ABCC1: variants seen among roughly 807,000 people sequenced by gnomAD.
ABCC1 encodes ATP binding cassette subfamily C member 1 (ABCC1 blood group), also known as multidrug resistance-associated protein 1.
ABCC1 carries 83 observed loss-of-function variants against 172.9 expected under a neutral mutation model. That is an observed-to-expected ratio of 0.48 (90% CI 0.40 to 0.58). The LOEUF (loss-of-function observed/expected upper bound fraction) is 0.58. ABCC1 is among the 20% of genes least tolerant of loss of function. The pLI is 0.00. For missense variants in ABCC1, 1,817 were observed against 2,002.7 expected (o/e 0.91, Z 1.77); for synonymous variants, 937 against 825.2 (o/e 1.14, Z -2.32).
intron 1 of ABCC1, among the ~76,000 whole-genome samples, chr16:15,974,323 A>G (rs2046435195): frequency 6.6e-6 from 1 of 152,154 alleles, no homozygotes; most frequent in African/African-American, 2.4e-5. Context: ...TGAGATTATC[A>G]GAGATCAGGC....
chr16:16,087,695 G>A (rs1335736469), intron 18 of ABCC1, among the ~76,000 whole-genome samples: 1 of 152,178 alleles, frequency 6.6e-6, no homozygotes, highest in African/African-American at 2.4e-5. Context: ...CTGACCTCAA[G>A]TGATCTGCCC....
intron 12 of ABCC1, among the ~76,000 whole-genome samples, chr16:16,067,939 G>T (rs2050174274): frequency 6.6e-6 from 1 of 152,178 alleles, no homozygotes; most frequent in South Asian, 2.1e-4. Flanking sequence ...GGCTCTTTGG[G>T]CTCCCGGTCG....
chr16:16,008,067 G>A (rs1219796007), intron 2 of ABCC1, 75 bp downstream of exon 2: 1 of 1,404,786 alleles, frequency 7.1e-7, no homozygotes, highest in African/African-American at 1.4e-5. Flanking sequence ...GGTGATAACT[G>A]ACATTTCTCT....
chr16:16,111,201 C>G (rs991370183), intron 21 of ABCC1, among the ~76,000 whole-genome samples, 174 bp from the exon 22 acceptor site: 2 of 152,124 alleles, frequency 1.3e-5, no homozygotes, highest in Non-Finnish European at 2.9e-5. Context: ...GCCTGGCCCT[C>G]GACTTTGTTT....
chr16:15,951,354 TAAG>T (rs749062861), intron 1 of ABCC1, among the ~76,000 whole-genome samples: 6 of 152,236 alleles, frequency 3.9e-5, no homozygotes, highest in South Asian at 2.1e-4. Context: ...TTGTTTATCT[TAAG>T]AAACTCATTC....
intron 1 of ABCC1, among the ~76,000 whole-genome samples, chr16:15,961,555 G>A (rs1402898747): frequency 6.6e-5 from 10 of 152,286 alleles, no homozygotes; most frequent in African/African-American, 2.4e-4. Context: ...GTTGATGATA[G>A]TTTCTTGGGT....
At position 16,134,466 on chromosome 16, in the gene ABCC1, C is replaced by T. The variant is rs369726733; in HGVS notation, c.4083C>T (p.Ile1361=). The T allele has an allele frequency of 4.4e-5, 71 of 1,613,984 alleles. No individual in the cohort carries two copies. Among genetic ancestry groups the T allele is most frequent in the Middle Eastern group, 3.3e-4 (2 of 6,084 alleles). ...TCGATGGCATCAACATCGCCAAGAT[C>T]GGCCTGCACGACCTCCGCTTCAAGA... ...IIIDGINIAK[I]GLHDLRFKIT... The change falls in exon 28 of 31, where the codon ATC becomes ATT. Residue 1361 remains isoleucine (I), a synonymous_variant. Coordinates refer to ENST00000399410, the MANE Select transcript of ABCC1 (RefSeq NM_004996.4).
chr16:16,021,905 C>T (rs1418480452), intron 5 of ABCC1, among the ~76,000 whole-genome samples: 2 of 152,076 alleles, frequency 1.3e-5, no homozygotes, highest in African/African-American at 4.8e-5. Flanking sequence ...GGTTGCAACT[C>T]GATTTGTTGT....
chr16:16,104,507 G>A (rs184955495), intron 20 of ABCC1, among the ~76,000 whole-genome samples: 1 of 152,296 alleles, frequency 6.6e-6, no homozygotes, highest in East Asian at 1.9e-4. Context: ...TACAAACCTT[G>A]AGCTAGATAC....
At chr16:16,066,009 C>T (rs2050102019) in intron 12 of ABCC1, among the ~76,000 whole-genome samples, 1 of 152,110 alleles carries the variant, frequency 6.6e-6, no homozygotes, top group East Asian at 1.9e-4. Context: ...ACAATCACCA[C>T]TAATTCCAGG....
chr16:16,033,320 T>A, intron 6 of ABCC1, 150 bp downstream of exon 6: 3 of 756,432 alleles, frequency 4.0e-6, no homozygotes, highest in Non-Finnish European at 6.6e-6. Flanking sequence ...GCTGGCCATG[T>A]GGTCTCAGAG....
At chr16:16,116,286 C>G (rs1049968650) in intron 23 of ABCC1, among the ~76,000 whole-genome samples, 1 of 152,038 alleles carries the variant, frequency 6.6e-6, no homozygotes, top group South Asian at 2.1e-4. Context: ...TCAGTGAGAT[C>G]AAGGAAGGGA....
At chr16:16,064,476 C>G (rs966265401) in intron 12 of ABCC1, among the ~76,000 whole-genome samples, 1 of 152,246 alleles carries the variant, frequency 6.6e-6, no homozygotes, top group African/African-American at 2.4e-5. Flanking sequence ...CCTCCTCCTT[C>G]TGGAGAAGCC....
intron 27 of ABCC1, 129 bp from the exon 28 acceptor site, chr16:16,134,221 G>C: frequency 8.7e-7 from 1 of 1,154,898 alleles, no homozygotes; most frequent in Non-Finnish European, 1.3e-6. Flanking sequence ...GCGCGCAAGG[G>C]AGAGGGCTGT....
chr16:16,086,474 A>C (rs1032718863), intron 17 of ABCC1, among the ~76,000 whole-genome samples: 1 of 152,160 alleles, frequency 6.6e-6, no homozygotes, highest in Non-Finnish European at 1.5e-5. Context: ...TTGTTTAAAG[A>C]GACAGGGTCT....
chr16:15,955,201 C>T (rs188126500), intron 1 of ABCC1, among the ~76,000 whole-genome samples: 2 of 152,182 alleles, frequency 1.3e-5, no homozygotes, highest in Admixed American at 6.6e-5. Flanking sequence ...ACTAAAAATA[C>T]AAAAATTAGC....
At chr16:16,073,904 A>G (rs2050451040) in intron 14 of ABCC1, among the ~76,000 whole-genome samples, 1 of 152,210 alleles carries the variant, frequency 6.6e-6, no homozygotes, top group African/African-American at 2.4e-5. Flanking sequence ...CGTCGGTTAT[A>G]CCGCGTGAGC....
chr16:16,135,455 C>G (rs2045883535), intron 28 of ABCC1, among the ~76,000 whole-genome samples: 1 of 151,218 alleles, frequency 6.6e-6, no homozygotes, highest in African/African-American at 2.4e-5. Flanking sequence ...TTTTCTTTCT[C>G]TTTTCTTTTT....
chr16:15,972,183 G>T (rs129116), intron 1 of ABCC1, among the ~76,000 whole-genome samples: 1 of 151,738 alleles, frequency 6.6e-6, no homozygotes. Flanking sequence ...GAGTGGACAC[G>T]GTATTCAAAC....
Sources: gnomAD v4.1 joint callset for allele counts (sites outside exome capture counted in the v4.1 genomes callset) on GRCh38, gnomAD v4.1.1 for gene constraint, MANE v1.5 for transcripts, NCBI Gene and HGNC (gene_info 2026-07-23, HGNC 2026-07-21) for gene names.